SH3PXD2A: variants seen among roughly 807,000 people sequenced by gnomAD.
SH3PXD2A encodes SH3 and PX domain-containing protein 2A.
In SH3PXD2A, 32 loss-of-function variants were observed where a neutral mutation model predicts 115.2. The ratio of observed to expected loss-of-function variants is 0.28; its 90% CI spans 0.21 to 0.37. The LOEUF (loss-of-function observed/expected upper bound fraction) is 0.37, where lower values mean the gene tolerates loss of function less well. Among genes scored for constraint, SH3PXD2A ranks in the 10% least tolerant of loss-of-function variants. The pLI is 1.00. For synonymous variants in SH3PXD2A, 610 were observed against 629.1 expected (o/e 0.97, Z 0.45); for missense variants, 1,328 against 1,498.7 (o/e 0.89, Z 1.88).
At chr10:103,801,176 T>C in intron 2 of SH3PXD2A, 106 bp downstream of exon 2, 2 of 707,902 alleles carry the variant, frequency 2.8e-6, no homozygotes, top group South Asian at 3.3e-5. Context: ...CCACCTGGAC[T>C]CTGACCCTGA....
intron 8 of SH3PXD2A, among the ~76,000 whole-genome samples, chr10:103,642,538 T>G (rs2036971022): frequency 6.6e-6 from 1 of 152,124 alleles, no homozygotes; most frequent in African/African-American, 2.4e-5. Flanking sequence ...GTCAGACTAG[T>G]GTGGTGCCTG....
chr10:103,702,624 G>A (rs1407508864), intron 5 of SH3PXD2A, among the ~76,000 whole-genome samples: 1 of 31,404 alleles, frequency 3.2e-5, no homozygotes, highest in Non-Finnish European at 5.9e-5. Context: ...CATGCTGGGT[G>A]CGGAGGGCAA....
chr10:103,812,488 C>T (rs1452572856), intron 1 of SH3PXD2A, among the ~76,000 whole-genome samples: 1 of 152,116 alleles, frequency 6.6e-6, no homozygotes, highest in African/African-American at 2.4e-5. Flanking sequence ...CCCAGTGGGT[C>T]TAGGAAAGGG....
intron 1 of SH3PXD2A, among the ~76,000 whole-genome samples, chr10:103,829,861 T>A (rs1357448985): frequency 6.6e-6 from 1 of 152,252 alleles, no homozygotes; most frequent in African/African-American, 2.4e-5. Flanking sequence ...GTAGGATTCT[T>A]TTACATATAA....
chr10:103,632,187 C>A (rs1196316143), intron 8 of SH3PXD2A, among the ~76,000 whole-genome samples: 2 of 152,018 alleles, frequency 1.3e-5, no homozygotes, highest in Admixed American at 6.6e-5. Context: ...CAACCACATA[C>A]CCTTGTCCAC....
intron 8 of SH3PXD2A, among the ~76,000 whole-genome samples, chr10:103,640,708 G>A (rs2133982748): frequency 6.6e-6 from 1 of 152,328 alleles, no homozygotes; most frequent in African/African-American, 2.4e-5. Context: ...TGCTGGTCGT[G>A]GTTAAGTAAA....
intron 10 of SH3PXD2A, among the ~76,000 whole-genome samples, chr10:103,618,525 G>A (rs1217640338): frequency 2.0e-5 from 3 of 152,240 alleles, no homozygotes. Flanking sequence ...ACAGGAGGAG[G>A]AAGTGGCAAT....
At chr10:103,642,220 C>T (rs973055217) in intron 8 of SH3PXD2A, among the ~76,000 whole-genome samples, 2 of 150,312 alleles carry the variant, frequency 1.3e-5, no homozygotes, top group African/African-American at 4.9e-5. Context: ...GAATAAACAA[C>T]GAGGACCACT....
At chr10:103,635,141 T>C (rs921559382) in intron 8 of SH3PXD2A, among the ~76,000 whole-genome samples, 1 of 152,210 alleles carries the variant, frequency 6.6e-6, no homozygotes, top group African/African-American at 2.4e-5. Context: ...GTTTTAGGGC[T>C]ACCTTCAGGG....
intron 4 of SH3PXD2A, among the ~76,000 whole-genome samples, chr10:103,724,708 C>T (rs1159684641): frequency 1.3e-5 from 2 of 152,052 alleles, no homozygotes; most frequent in Non-Finnish European, 2.9e-5. Flanking sequence ...AATCAACCTA[C>T]CCATCAACCA....
chr10:103,793,081 C>T (rs1449765193), intron 2 of SH3PXD2A, among the ~76,000 whole-genome samples: 2 of 152,022 alleles, frequency 1.3e-5, no homozygotes, highest in African/African-American at 2.4e-5. Context: ...ACCCTAGCTC[C>T]CCCAATAGGT....
chr10:103,760,575 G>GATAT (rs34358225), intron 3 of SH3PXD2A, among the ~76,000 whole-genome samples: 83 of 149,920 alleles, frequency 5.5e-4, no homozygotes, highest in Non-Finnish European at 8.9e-4. Context: ...GTCTCAAAAA[G>GATAT]ATATATATAT....
intron 13 of SH3PXD2A, among the ~76,000 whole-genome samples, chr10:103,606,630 G>C (rs548010510): frequency 2.0e-5 from 3 of 151,924 alleles, no homozygotes; most frequent in African/African-American, 4.8e-5. Flanking sequence ...GAGTGCCTGC[G>C]ATTGCAGGCG....
intron 1 of SH3PXD2A, among the ~76,000 whole-genome samples, chr10:103,807,410 G>A (rs2039217746): frequency 6.6e-6 from 1 of 152,146 alleles, no homozygotes; most frequent in Non-Finnish European, 1.5e-5. Flanking sequence ...ACTTTCCCTG[G>A]ACTCCTACCA....
intron 2 of SH3PXD2A, among the ~76,000 whole-genome samples, chr10:103,788,805 C>T (rs2039004575): frequency 6.6e-6 from 1 of 152,146 alleles, no homozygotes; most frequent in Admixed American, 6.5e-5. Context: ...TCGCTTGAAC[C>T]CGGGAGGCGG....
At chr10:103,697,781 A>G (rs2037842318) in intron 5 of SH3PXD2A, among the ~76,000 whole-genome samples, 1 of 152,184 alleles carries the variant, frequency 6.6e-6, no homozygotes, top group African/African-American at 2.4e-5. Context: ...GCTCTAGTGA[A>G]ATGGCTGGTG....
At chr10:103,705,242 G>A (rs914371395) in intron 5 of SH3PXD2A, among the ~76,000 whole-genome samples, 3 of 152,284 alleles carry the variant, frequency 2.0e-5, no homozygotes, top group South Asian at 2.1e-4. Flanking sequence ...CCGAGGTCCC[G>A]GAGCAGGCTT....
intron 7 of SH3PXD2A, chr10:103,661,503 G>C: frequency 1.4e-5 from 4 of 286,152 alleles, no homozygotes; most frequent in Non-Finnish European, 2.1e-5. Context: ...GGGTCTCTCC[G>C]GCCTCCCTCT....
At chr10:103,729,397 T>C (rs2038286998) in intron 4 of SH3PXD2A, among the ~76,000 whole-genome samples, 1 of 152,260 alleles carries the variant, frequency 6.6e-6, no homozygotes, top group Admixed American at 6.5e-5. Flanking sequence ...TAACTGTTAA[T>C]AGCTCTAACT....
Sources: allele counts gnomAD v4.1 joint callset (sites outside exome capture counted in the v4.1 genomes callset), GRCh38; gene constraint gnomAD v4.1.1; transcripts MANE v1.5; gene names NCBI Gene and HGNC (gene_info 2026-07-23, HGNC 2026-07-21).